The following CHODL variants were observed in gnomAD, a reference collection of about 807,000 sequenced individuals.
CHODL encodes the protein chondrolectin, also known as transmembrane protein MT75.
A neutral mutation model predicts 34.5 loss-of-function variants in CHODL; 29 were observed. That is an observed-to-expected ratio of 0.84 (90% CI 0.63 to 1.15). CHODL has a LOEUF of 1.15. CHODL is among the 50% of genes most tolerant of loss of function. The pLI, the probability that CHODL is intolerant of heterozygous loss-of-function variation, is 0.00. For missense variants in CHODL, 332 were observed against 332.5 expected, an observed-to-expected ratio of 1.00 and a Z score of 0.01; for synonymous variants, 125 against 116.1, an observed-to-expected ratio of 1.08 and a Z score of -0.49.
At chr21:18,220,174 G>T (rs2146737123) in intron 2 of CHODL, among the ~76,000 whole-genome samples, 1 of 152,160 alleles carries the variant, frequency 6.6e-6, no homozygotes, top group Non-Finnish European at 1.5e-5. Flanking sequence ...CCACTTGCAT[G>T]GAATATCTTT....
At position 17,918,474 on chromosome 21, in the gene CHODL, C is replaced by A. The variant is rs926013583; in HGVS notation, c.-145+1074C>A. 5.3e-5 allele frequency among the ~76,000 whole-genome samples: 8 copies of A among 152,182 alleles called. No homozygotes were observed. In the East Asian group the frequency reaches 9.6e-4, roughly 18 times the overall value. On this transcript the variant is annotated intron_variant, in intron 1 of 6. Transcript: ENST00000400127. ...CATGTCTTACATGGATGGCAGCAGG[C>A]AAAGAAAGAGCTTGTGTAGGGAAAC...
At chr21:18,190,654 G>A (rs2073499965) in intron 2 of CHODL, among the ~76,000 whole-genome samples, 1 of 152,162 alleles carries the variant, frequency 6.6e-6, no homozygotes, top group Admixed American at 6.5e-5. Context: ...CAATTATGGG[G>A]AGTGAAATTC....
intron 2 of CHODL, among the ~76,000 whole-genome samples, chr21:18,081,687 GA>G (rs34292856): frequency 0.015 from 1,276 of 83,594 alleles, 14 homozygotes; most frequent in African/African-American, 0.033. Flanking sequence ...ATCTCAAAAA[GA>G]AAAAAAAAAA....
intron 2 of CHODL, chr21:18,034,561 G>C (rs916229766): frequency 3.9e-5 from 6 of 152,034 alleles, no homozygotes; most frequent in Non-Finnish European, 8.8e-5. Flanking sequence ...CATGGCCTGG[G>C]TGGTCTAATA....
intron 2 of CHODL, among the ~76,000 whole-genome samples, chr21:18,031,923 A>G (rs1157942408): frequency 6.6e-6 from 1 of 152,028 alleles, no homozygotes; most frequent in Non-Finnish European, 1.5e-5. Context: ...AAATTATTCT[A>G]TTTCTACTTG....
intron 1 of CHODL, among the ~76,000 whole-genome samples, chr21:18,005,294 T>C (rs952115945): frequency 1.3e-5 from 2 of 152,240 alleles, no homozygotes; most frequent in Non-Finnish European, 2.9e-5. Flanking sequence ...ATAAGGCTGT[T>C]ACAACTATTA....
chr21:17,991,658 A>ATTT (rs35600353), intron 1 of CHODL, among the ~76,000 whole-genome samples: 2 of 128,408 alleles, frequency 1.6e-5, no homozygotes, highest in East Asian at 2.5e-4. Flanking sequence ...AGATTATTTG[A>ATTT]TTTTTTTTTT....
intron 2 of CHODL, among the ~76,000 whole-genome samples, chr21:18,124,510 A>G (rs1296003410): frequency 6.6e-6 from 1 of 152,220 alleles, no homozygotes; most frequent in Non-Finnish European, 1.5e-5. Context: ...ATGCTCAAAT[A>G]TATTTTAACT....
chr21:18,102,362 A>G (rs996133586), intron 2 of CHODL, among the ~76,000 whole-genome samples: 2 of 152,182 alleles, frequency 1.3e-5, no homozygotes, highest in Admixed American at 1.3e-4. Flanking sequence ...TGCTGACTGA[A>G]TGTTAGTAAG....
chr21:18,043,022 A>G (rs976955768), intron 2 of CHODL, among the ~76,000 whole-genome samples: 3 of 152,004 alleles, frequency 2.0e-5, no homozygotes, highest in African/African-American at 7.2e-5. Context: ...GCTGTTCTGG[A>G]GAAAAGTCTA....
chr21:18,111,678 T>C (rs545470876), intron 2 of CHODL, among the ~76,000 whole-genome samples: 13 of 152,356 alleles, frequency 8.5e-5, no homozygotes, highest in African/African-American at 2.6e-4. Flanking sequence ...CATAATACAC[T>C]TTCTGTCCAC....
At chr21:18,007,336 A>G (rs545554607) in intron 1 of CHODL, among the ~76,000 whole-genome samples, 2 of 152,160 alleles carry the variant, frequency 1.3e-5, no homozygotes, top group African/African-American at 4.8e-5. Flanking sequence ...AAATTGGCAC[A>G]TTTCCCAGTG....
At chr21:18,022,128 G>A (rs541080218) in intron 1 of CHODL, among the ~76,000 whole-genome samples, 19 of 152,266 alleles carry the variant, frequency 1.2e-4, no homozygotes, top group African/African-American at 4.6e-4. Flanking sequence ...ACAAACTTGA[G>A]GGTGTTAAAC....
intron 2 of CHODL, among the ~76,000 whole-genome samples, chr21:18,112,261 A>G (rs2065360180): frequency 6.6e-6 from 1 of 152,178 alleles, no homozygotes; most frequent in Admixed American, 6.5e-5. Flanking sequence ...AGGAAATTGA[A>G]GGGGAAACCA....
At chr21:17,997,762 C>A (rs898185151) in intron 1 of CHODL, among the ~76,000 whole-genome samples, 1 of 152,210 alleles carries the variant, frequency 6.6e-6, no homozygotes, top group East Asian at 1.9e-4. Flanking sequence ...GAGAATAGCA[C>A]AGGAAAGACC....
At chr21:18,248,526 A>G (rs1272687944) in intron 1 of CHODL, among the ~76,000 whole-genome samples, 2 of 146,108 alleles carry the variant, frequency 1.4e-5, no homozygotes, top group African/African-American at 5.1e-5. Context: ...TTTGTTTTAT[A>G]ACTCTTTCCC....
At chr21:17,974,125 T>C (rs574179625) in intron 1 of CHODL, among the ~76,000 whole-genome samples, 1 of 152,322 alleles carries the variant, frequency 6.6e-6, no homozygotes, top group Admixed American at 6.5e-5. Flanking sequence ...GAATCCAACA[T>C]GAAGTCTTTG....
intron 5 of CHODL, among the ~76,000 whole-genome samples, chr21:18,265,224 T>C: frequency 6.8e-6 from 1 of 147,850 alleles, no homozygotes; most frequent in East Asian, 2.0e-4. Context: ...TATGTGTATA[T>C]ATATATGTGT....
chr21:18,265,103 C>T (rs1397792612), intron 5 of CHODL, among the ~76,000 whole-genome samples: 1 of 151,496 alleles, frequency 6.6e-6, no homozygotes, highest in East Asian at 1.9e-4. Context: ...TAGTGTCAGG[C>T]ACATGTTTGT....
Sources: gnomAD v4.1 joint callset for allele counts (sites outside exome capture counted in the v4.1 genomes callset) on GRCh38, gnomAD v4.1.1 for gene constraint, MANE v1.5 for transcripts, NCBI Gene and HGNC (gene_info 2026-07-23, HGNC 2026-07-21) for gene names.